PBX2: variants seen among roughly 807,000 people sequenced by gnomAD.
The protein encoded by PBX2 is PBX homeobox 2.
PBX2 carries 10 observed loss-of-function variants against 46.5 expected under a neutral mutation model. The observed-to-expected ratio is 0.21, with a 90% CI of 0.13 to 0.36. The LOEUF (loss-of-function observed/expected upper bound fraction) is 0.36. PBX2 is among the 10% of genes least tolerant of loss of function. The pLI is 1.00. For missense variants in PBX2, 392 were observed against 580.5 expected (o/e 0.68, Z 3.34); for synonymous variants, 160 against 222.5 (o/e 0.72, Z 2.50).
chr6:32,189,874 G>C lies in PBX2; in HGVS notation c.42C>G (p.Gly14=). ...CACTCACCAATCCCAGGCCCCCCCGGCCCCCGCCTGGAGGGGGCGGCCCCA... is the reference window on the plus strand; with the variant it reads ...CACTCACCAATCCCAGGCCCCCCCGCCCCCCGCCTGGAGGGGGCGGCCCCA... ...RLLGPPPPGG[G]RGGLGLVSGE... is the part of the protein sequence containing the mutation. The change falls in exon 1 of 9, where the codon GGC becomes GGG. Residue 14 remains glycine (G), a synonymous_variant. Transcript: ENST00000375050. This position sits in a 1 kb window ranked among gnomAD's most constrained non-coding sequence, Gnocchi z 4.7. 1 of 1,469,868 alleles carries C rather than the reference G, an allele frequency of 6.8e-7. No homozygotes were observed. Among genetic ancestry groups the C allele is most frequent in the Non-Finnish European group, 9.0e-7 (1 of 1,107,594 alleles). The allele number at this position is 1,469,868 out of a possible 1,614,324, so 91.1% of individuals were successfully genotyped here.
chr6:32,189,943 C>A lies in PBX2; in HGVS notation c.-28G>T. On this transcript the variant is annotated 5_prime_UTR_variant, in exon 1 of 9. Transcript: ENST00000375050. The surrounding 1 kb of genome is among the most constrained non-coding windows in gnomAD (Gnocchi z 4.7). ...CTGGGGGGGGGCCCTGAGGCCCCCT[C>A]CCTGCTCCGCCCCTCCCCCCGCCTG... 2.0e-6 allele frequency: 2 copies of A among 989,002 alleles called. No individual in the cohort carries two copies. Among genetic ancestry groups the A allele is most frequent in the Non-Finnish European group, 2.8e-6 (2 of 711,012 alleles). The allele number at this position is 989,002 out of a possible 1,614,324, so 61.3% of individuals were successfully genotyped here. A position where few individuals can be genotyped will look rare whatever the true frequency, so the allele number is the denominator to read the frequency against.
At position 32,188,429 on chromosome 6, in the gene PBX2, G is replaced by A. The variant is rs778624343; in HGVS notation, c.371C>T (p.Ala124Val). 1 of 1,614,110 alleles carries A rather than the reference G, an allele frequency of 6.2e-7. No homozygotes were observed. Among genetic ancestry groups the A allele is most frequent in the Non-Finnish European group, 8.5e-7 (1 of 1,180,018 alleles). Residue 124 changes from alanine to valine, a missense_variant, in exon 3 of 9, where the codon GCA becomes GTA. Ala to Val is a moderately conservative substitution (Grantham distance 64, BLOSUM62 0). Coordinates refer to ENST00000375050, the MANE Select transcript of PBX2 (RefSeq NM_002586.5). This position sits in a 1 kb window ranked among gnomAD's most constrained non-coding sequence, Gnocchi z 6.5. ...TTTCTCGGGCCCAGCCACACCCTCT[G>A]CCAGAAGCATGTTGTCCAAGCGCAT... ...QLMRLDNMLL[A>V]EGVAGPEKGG...
Position 32,188,525 on chromosome 6 carries a change from C to T in PBX2, c.296-21G>A. ...GAGGCCTAGCATGCAGGCGAGTGGA[C>T]TTAGGGACCCAGAGACCCCAATACC... On this transcript the variant is annotated intron_variant, in intron 2 of 8. Transcript: ENST00000375050. The surrounding 1 kb of genome is among the most constrained non-coding windows in gnomAD (Gnocchi z 6.5). 6.2e-7 allele frequency: 1 copy of T among 1,610,500 alleles called. No homozygotes were observed. The highest frequency in any genetic ancestry group is 8.5e-7 in the Non-Finnish European group (1 of 1,177,924).
chr6:32,188,132 C>T lies in PBX2; in HGVS notation c.568G>A (p.Val190Ile). 1.3e-6 allele frequency: 2 copies of T among 1,589,302 alleles called. No individual in the cohort carries two copies. Among genetic ancestry groups the T allele is most frequent in the East Asian group, 4.5e-5 (2 of 44,564 alleles). ...CTCTGCTCCCTCAGCAGGTTCATGA[C>T]ATGGGTCGTGAACTCATTACATGCC... Reference protein sequence around the residue: ...EQACNEFTTHVMNLLREQSRT... With the variant: ...EQACNEFTTHIMNLLREQSRT... Residue 190 changes from valine to isoleucine, a missense_variant, in exon 4 of 9, where the codon GTC becomes ATC. Val to Ile is a conservative substitution (Grantham distance 29, BLOSUM62 3). Around this residue, in one of 3 missense-constraint regions of PBX2, gnomAD observed 80 missense variants for 175.7 expected, o/e 0.46. Transcript: ENST00000375050. This position sits in a 1 kb window ranked among gnomAD's most constrained non-coding sequence, Gnocchi z 6.5.
rs1262249457 is a variant in PBX2 at position 32,188,704 on chromosome 6, C to A, written c.295+19G>T. The A allele has an allele frequency of 1.9e-6, 3 of 1,611,732 alleles. No homozygotes were observed. The highest frequency in any genetic ancestry group is 2.7e-5 in the African/African-American group (2 of 74,688). On this transcript the variant is annotated intron_variant, in intron 2 of 8. Transcript: ENST00000375050. This position sits in a 1 kb window ranked among gnomAD's most constrained non-coding sequence, Gnocchi z 6.5. Reference sequence around the variant, plus strand: ...GGTTCTGTTCCCAGAGTTGAGCAATCCGGGGGGGGCCCACATACCAGTTTT... The same window carrying A: ...GGTTCTGTTCCCAGAGTTGAGCAATACGGGGGGGGCCCACATACCAGTTTT...
chr6:32,189,203 C>G lies in PBX2; in HGVS notation c.222-407G>C. 3.1e-6 allele frequency: 1 copy of G among 326,770 alleles called. No individual in the cohort carries two copies. The highest frequency in any genetic ancestry group is 5.8e-6 in the Non-Finnish European group (1 of 172,416). 20.2% of individuals were successfully genotyped at this position (326,770 alleles called of 1,614,324 possible). ...GGGGTGCCGAGCTAACTGGGGAGAT[C>G]AGTGTAGGGTGTGTGAAGGGGTCCT... On this transcript the variant is annotated intron_variant, in intron 1 of 8. Coordinates refer to ENST00000375050, the MANE Select transcript of PBX2 (RefSeq NM_002586.5). This position sits in a 1 kb window ranked among gnomAD's most constrained non-coding sequence, Gnocchi z 4.7.
Position 32,186,615 on chromosome 6 carries a change from G to T in PBX2, c.1189C>A (p.Arg397=). The change falls in exon 8 of 9, where the codon CGG becomes AGG. Residue 397 remains arginine, a synonymous_variant. Transcript: ENST00000375050. This position sits in a 1 kb window ranked among gnomAD's most constrained non-coding sequence, Gnocchi z 4.2. The part of the protein sequence containing the change: ...NLGGGQMYSP[R]EMRANGSWQE... Reference sequence around the variant, plus strand: ...CAGGATCCACTCACCCTCATTTCCCGTGGGCTGTACATCTGGCCTCCCCCG... The same window carrying T: ...CAGGATCCACTCACCCTCATTTCCCTTGGGCTGTACATCTGGCCTCCCCCG... The T allele has an allele frequency of 6.2e-7, 1 of 1,610,210 alleles. No homozygotes were observed. Among genetic ancestry groups the T allele is most frequent in the Non-Finnish European group, 8.5e-7 (1 of 1,176,548 alleles).
In PBX2 at chr6:32,188,425, C is replaced by A. The variant is rs534855023; in HGVS notation, c.375G>T (p.Glu125Asp). 6.2e-7 allele frequency: 1 copy of A among 1,614,186 alleles called. No individual in the cohort carries two copies. The highest frequency in any genetic ancestry group is 1.1e-5 in the South Asian group (1 of 91,086). Residue 125 changes from glutamate to aspartate, a missense_variant, in exon 3 of 9, where the codon GAG becomes GAT. By Grantham distance (45) the Glu-to-Asp change is conservative. Around this residue, in one of 3 missense-constraint regions of PBX2, gnomAD observed 196 missense variants for 246.9 expected, o/e 0.79. Transcript: ENST00000375050. The surrounding 1 kb of genome is among the most constrained non-coding windows in gnomAD (Gnocchi z 6.5). ...LMRLDNMLLAEGVAGPEKGGG... is the reference protein window; with the variant it reads ...LMRLDNMLLADGVAGPEKGGG... ...CCCCTTTCTCGGGCCCAGCCACACC[C>A]TCTGCCAGAAGCATGTTGTCCAAGC...
chr6:32,186,354 C>T lies in PBX2; in HGVS notation c.*28G>A, dbSNP rs1351025080. 2 of 1,509,428 alleles carry T rather than the reference C, an allele frequency of 1.3e-6. No individual in the cohort carries two copies. The highest frequency in any genetic ancestry group is 1.8e-6 in the Non-Finnish European group (2 of 1,088,352). The allele number at this position is 1,509,428 out of a possible 1,614,324, so 93.5% of individuals were successfully genotyped here. A position where few individuals can be genotyped will look rare whatever the true frequency, so the allele number is the denominator to read the frequency against. ...CTCTTCAAGTCGCCTTGTGAGAGCC[C>T]CCACCCCTGTGACCCTGAGGGGCAA... On this transcript the variant is annotated 3_prime_UTR_variant, in exon 9 of 9. Coordinates refer to ENST00000375050, the MANE Select transcript of PBX2 (RefSeq NM_002586.5). The surrounding 1 kb of genome is among the most constrained non-coding windows in gnomAD (Gnocchi z 4.2).
chr6:32,188,695 T>C lies in PBX2; in HGVS notation c.295+28A>G, dbSNP rs1465076413. On this transcript the variant is annotated intron_variant, in intron 2 of 8. Coordinates refer to ENST00000375050, the MANE Select transcript of PBX2 (RefSeq NM_002586.5). The surrounding 1 kb of genome is among the most constrained non-coding windows in gnomAD (Gnocchi z 6.5). ...AATGAACAGGGTTCTGTTCCCAGAG[T>C]TGAGCAATCCGGGGGGGGCCCACAT... The C allele has an allele frequency of 1.2e-6, 2 of 1,608,788 alleles. No individual in the cohort carries two copies. Among genetic ancestry groups the C allele is most frequent in the African/African-American group, 2.7e-5 (2 of 74,666 alleles).
chr6:32,186,720 GA>G lies in PBX2; in HGVS notation c.1114-31del, dbSNP rs1787159494. 1 of 1,599,746 alleles carries G rather than the reference GA, an allele frequency of 6.3e-7. No homozygotes were observed. The highest frequency in any genetic ancestry group is 8.6e-7 in the Non-Finnish European group (1 of 1,166,824). On this transcript the variant is annotated intron_variant, in intron 7 of 8. Coordinates refer to ENST00000375050, the MANE Select transcript of PBX2 (RefSeq NM_002586.5). The surrounding 1 kb of genome is among the most constrained non-coding windows in gnomAD (Gnocchi z 4.2). ...AGGCAGCAGAGGAAGGTATGACAGT[GA>G]AGAGAAGCCTCAGAGGAAAGAGGTC...
At position 32,188,103 on chromosome 6, in the gene PBX2, G is replaced by A. The variant is rs1315414501; in HGVS notation, c.597C>T (p.Arg199=). Residue 199 remains arginine (R), a synonymous_variant, in exon 4 of 9, where the codon CGC becomes CGT. Transcript: ENST00000375050. This position sits in a 1 kb window ranked among gnomAD's most constrained non-coding sequence, Gnocchi z 6.5. ...HVMNLLREQS[R]TRPVAPKEME... ...TCTCTTTGGGGGCCACGGGCCTGGTGCGGCTCTGCTCCCTCAGCAGGTTCA... is the reference window on the plus strand; with the variant it reads ...TCTCTTTGGGGGCCACGGGCCTGGTACGGCTCTGCTCCCTCAGCAGGTTCA... 12 of 1,593,478 alleles carry A rather than the reference G, an allele frequency of 7.5e-6. No individual in the cohort carries two copies. Among genetic ancestry groups the A allele is most frequent in the Non-Finnish European group, 1.0e-5 (12 of 1,167,476 alleles).
rs759000660 is a variant in PBX2 at position 32,188,192 on chromosome 6, C to G, written c.544-36G>C. 1 of 1,601,034 alleles carries G rather than the reference C, an allele frequency of 6.2e-7. No homozygotes were observed. Among genetic ancestry groups the G allele is most frequent in the South Asian group, 1.1e-5 (1 of 89,440 alleles). Reference sequence around the variant, plus strand: ...GGCCAGTGGGCTGGTGAGGAGGAGCCCTTTGACCATGGGATTCCCCTGCAA... The same window carrying G: ...GGCCAGTGGGCTGGTGAGGAGGAGCGCTTTGACCATGGGATTCCCCTGCAA... On this transcript the variant is annotated intron_variant, in intron 3 of 8. Transcript: ENST00000375050. This position sits in a 1 kb window ranked among gnomAD's most constrained non-coding sequence, Gnocchi z 6.5.
Position 32,186,791 on chromosome 6 carries a change from C to G in PBX2, c.1113+22G>C. On this transcript the variant is annotated intron_variant, in intron 7 of 8. Transcript: ENST00000375050. This position sits in a 1 kb window ranked among gnomAD's most constrained non-coding sequence, Gnocchi z 4.2. ...AAATGGAGTTGGGGAAAGCCCTATTCGAGAGGAGATGGGCATCTGACCTGG... is the reference window on the plus strand; with the variant it reads ...AAATGGAGTTGGGGAAAGCCCTATTGGAGAGGAGATGGGCATCTGACCTGG... The G allele has an allele frequency of 1.2e-6, 2 of 1,610,890 alleles. No homozygotes were observed. The highest frequency in any genetic ancestry group is 1.1e-5 in the South Asian group (1 of 91,024).
Position 32,188,168 on chromosome 6 carries a change from G to T in PBX2, c.544-12C>A. On this transcript the variant is annotated splice_polypyrimidine_tract_variant and intron_variant, in intron 3 of 8. Coordinates refer to ENST00000375050, the MANE Select transcript of PBX2 (RefSeq NM_002586.5). The surrounding 1 kb of genome is among the most constrained non-coding windows in gnomAD (Gnocchi z 6.5). ...AACTCATTACATGCCTGTAGTGGGG[G>T]CCAGTGGGCTGGTGAGGAGGAGCCC... 6.3e-7 allele frequency: 1 copy of T among 1,597,182 alleles called. No homozygotes were observed. The highest frequency in any genetic ancestry group is 8.6e-7 in the Non-Finnish European group (1 of 1,169,508).
In PBX2 at chr6:32,185,633, CAA is replaced by C. The variant is rs1561889167; in HGVS notation, c.*747_*748del. ...GAACCACCACCACCACCACCACCAA[CAA>C]CAACAAAAACAACAACAACAACAAA... On this transcript the variant is annotated 3_prime_UTR_variant, in exon 9 of 9. Transcript: ENST00000375050. 4.7e-5 allele frequency: 7 copies of C among 149,846 alleles called. No homozygotes were observed. The highest frequency in any genetic ancestry group is 8.9e-5 in the Non-Finnish European group (6 of 67,488). The allele number at this position is 149,846 out of a possible 1,614,324, so 9.3% of individuals were successfully genotyped here. A position where few individuals can be genotyped will look rare whatever the true frequency, so the allele number is the denominator to read the frequency against.
Position 32,188,547 on chromosome 6 carries a change from TA to T in PBX2, c.296-44del. On this transcript the variant is annotated intron_variant, in intron 2 of 8. Transcript: ENST00000375050. The surrounding 1 kb of genome is among the most constrained non-coding windows in gnomAD (Gnocchi z 6.5). ...GGACTTAGGGACCCAGAGACCCCAATACCCAGTGCTCAGTCCTCCTGGTGCT... is the reference window on the plus strand; with the variant it reads ...GGACTTAGGGACCCAGAGACCCCAATCCCAGTGCTCAGTCCTCCTGGTGCT... 3 of 1,601,846 alleles carry T rather than the reference TA, an allele frequency of 1.9e-6. No homozygotes were observed. In the African/African-American group the frequency reaches 4.0e-5, roughly 21 times the overall value.
chr6:32,189,401 G>T lies in PBX2; in HGVS notation c.221+294C>A, dbSNP rs2127449234. Among the ~76,000 whole-genome samples the T allele has an allele frequency of 6.6e-6, 1 of 152,216 alleles. No homozygotes were observed. The highest frequency in any genetic ancestry group is 2.4e-5 in the African/African-American group (1 of 41,542). On this transcript the variant is annotated intron_variant, in intron 1 of 8. Coordinates refer to ENST00000375050, the MANE Select transcript of PBX2 (RefSeq NM_002586.5). This position sits in a 1 kb window ranked among gnomAD's most constrained non-coding sequence, Gnocchi z 4.7. ...AGCCCAAGAACAGTTTCTTAGTCTG[G>T]GAGCCAGAGGGGGCTCCCGGGGATG... is the stretch of plus-strand genomic sequence containing the variant.
At position 32,189,790 on chromosome 6, in the gene PBX2, C is replaced by T; in HGVS notation, c.126G>A (p.Gly42=). ...PGGGDPGGGS[G]GVPGGRGKQD... Reference sequence around the variant, plus strand: ...GCTTCCCTCGGCCTCCCGGGACCCCCCCGCTACCCCCACCGGGGTCTCCGC... The same window carrying T: ...GCTTCCCTCGGCCTCCCGGGACCCCTCCGCTACCCCCACCGGGGTCTCCGC... Residue 42 remains glycine (G), a synonymous_variant, in exon 1 of 9, where the codon GGG becomes GGA. Coordinates refer to ENST00000375050, the MANE Select transcript of PBX2 (RefSeq NM_002586.5). This position sits in a 1 kb window ranked among gnomAD's most constrained non-coding sequence, Gnocchi z 4.7. 6.2e-7 allele frequency: 1 copy of T among 1,601,682 alleles called. No homozygotes were observed. Among genetic ancestry groups the T allele is most frequent in the Non-Finnish European group, 8.5e-7 (1 of 1,174,354 alleles).
Sources: gnomAD v4.1 joint callset for allele counts (sites outside exome capture counted in the v4.1 genomes callset) on GRCh38, gnomAD v4.1.1 for gene constraint, gnomAD v4.1.1 regional missense constraint, Gnocchi (gnomAD v3.1) non-coding constraint, MANE v1.5 for transcripts, NCBI Gene and HGNC (gene_info 2026-07-23, HGNC 2026-07-21) for gene names.